The following ADAMTS14 variants were observed in gnomAD, a reference collection of about 807,000 sequenced individuals.
ADAMTS14 encodes the protein A disintegrin and metalloproteinase with thrombospondin motifs 14.
Under a neutral mutation model 128.6 loss-of-function variants are expected in ADAMTS14, and 100 were observed. The observed-to-expected ratio is 0.78, with a 90% CI of 0.66 to 0.92. The LOEUF (loss-of-function observed/expected upper bound fraction) is 0.92. ADAMTS14 is among the 40% of genes least tolerant of loss of function. ADAMTS14 has a pLI of 0.00. For synonymous variants in ADAMTS14, 665 were observed against 653.8 expected (o/e 1.02, Z -0.26); for missense variants, 1,562 against 1,658.6 (o/e 0.94, Z 1.01).
At position 70,741,022 on chromosome 10, in the gene ADAMTS14, T is replaced by C. The variant is rs749504648; in HGVS notation, c.1784T>C (p.Met595Thr). 1 of 1,614,008 alleles carries C rather than the reference T, an allele frequency of 6.2e-7. No individual in the cohort carries two copies. Among genetic ancestry groups the C allele is most frequent in the Non-Finnish European group, 8.5e-7 (1 of 1,180,030 alleles). Residue 595 changes from methionine to threonine, a missense_variant, in exon 12 of 22, where the codon ATG becomes ACG. By Grantham distance (81) the Met-to-Thr change is moderately conservative. Transcript: ENST00000373207. ...GGAGGCCGCCTGTGCTTAGGGCCCA[T>C]GTTCGAGTACCAGGTCTGCAACAGC... ...AYGGRLCLGP[M>T]FEYQVCNSEE...
At chr10:70,733,772 G>A (rs907227261) in intron 7 of ADAMTS14, 113 bp from the exon 8 acceptor site, 11 of 1,351,910 alleles carry the variant, frequency 8.1e-6, no homozygotes, top group Non-Finnish European at 9.0e-6. Context: ...CAGGAAGAGC[G>A]ATCTGAGCTC....
intron 3 of ADAMTS14, among the ~76,000 whole-genome samples, chr10:70,706,947 G>A (rs568404142): frequency 2.6e-5 from 4 of 152,280 alleles, no homozygotes; most frequent in East Asian, 1.9e-4. Flanking sequence ...GCACTCACTC[G>A]CTCCCATGTG....
intron 5 of ADAMTS14, 83 bp downstream of exon 5, chr10:70,729,460 C>A: frequency 8.8e-7 from 1 of 1,131,090 alleles, no homozygotes; most frequent in Non-Finnish European, 1.3e-6. Context: ...GTGTGGGCTG[C>A]AGGGGTAAGC....
intron 2 of ADAMTS14, among the ~76,000 whole-genome samples, chr10:70,700,561 G>T (rs890600024): frequency 6.6e-6 from 1 of 152,200 alleles, no homozygotes; most frequent in African/African-American, 2.4e-5. Flanking sequence ...GAGGAGCTGA[G>T]GGGAGTGGTG....
Position 70,745,279 on chromosome 10 carries a change from G to T in ADAMTS14, c.2236G>T (p.Ala746Ser). The change falls in exon 15 of 22, where the codon GCA becomes TCA. Residue 746 changes from alanine (A) to serine (S), a missense_variant. Transcript: ENST00000373207. The stretch of plus-strand genomic sequence containing the variant: ...AGGTGCCAGGCACATCCAGATTGAG[G>T]CACTGGAGAAGTCCCCCCACCGCAT... ...PAGARHIQIE[A>S]LEKSPHRIVV... The T allele has an allele frequency of 6.2e-7, 1 of 1,612,610 alleles. No individual in the cohort carries two copies. Among genetic ancestry groups the T allele is most frequent in the Middle Eastern group, 1.9e-4 (1 of 5,164 alleles).
chr10:70,730,920 T>G (rs1388026501), intron 6 of ADAMTS14, among the ~76,000 whole-genome samples: 1 of 152,182 alleles, frequency 6.6e-6, no homozygotes, highest in Non-Finnish European at 1.5e-5. Flanking sequence ...AGGAGGCAGA[T>G]GTGAGACTCA....
At chr10:70,681,698 T>A (rs1839810038) in intron 2 of ADAMTS14, among the ~76,000 whole-genome samples, 1 of 152,162 alleles carries the variant, frequency 6.6e-6, no homozygotes, top group African/African-American at 2.4e-5. Context: ...AAGCTGCGGG[T>A]CGGCTCCACA....
intron 2 of ADAMTS14, among the ~76,000 whole-genome samples, chr10:70,681,115 A>G (rs1839788244): frequency 6.6e-6 from 1 of 152,186 alleles, no homozygotes; most frequent in African/African-American, 2.4e-5. Context: ...CCAGAAGCCC[A>G]CGGTTTAAAG....
At chr10:70,702,623 C>A (rs940904800) in intron 3 of ADAMTS14, among the ~76,000 whole-genome samples, 155 bp downstream of exon 3, 1 of 152,176 alleles carries the variant, frequency 6.6e-6, no homozygotes, top group Non-Finnish European at 1.5e-5. Flanking sequence ...GGCAGAGAAA[C>A]CCCATTGCGT....
chr10:70,735,381 G>C, intron 9 of ADAMTS14, 80 bp downstream of exon 9: 2 of 1,541,384 alleles, frequency 1.3e-6, no homozygotes, highest in South Asian at 1.3e-5. Flanking sequence ...CCATTCATGA[G>C]GTGCCTTCTG....
At chr10:70,692,113 T>C (rs1840209325) in intron 2 of ADAMTS14, among the ~76,000 whole-genome samples, 1 of 152,062 alleles carries the variant, frequency 6.6e-6, no homozygotes, top group African/African-American at 2.4e-5. Flanking sequence ...GGTTTTGATT[T>C]CATCGGTCTG....
chr10:70,731,997 G>A (rs1047845834), intron 6 of ADAMTS14, among the ~76,000 whole-genome samples: 3 of 152,162 alleles, frequency 2.0e-5, no homozygotes, highest in Admixed American at 1.3e-4. Context: ...AGGCCCGGGT[G>A]TTCTCTGGTT....
rs1414429902 is a variant in ADAMTS14 at position 70,758,016 on chromosome 10, A to G, written c.2992A>G (p.Asn998Asp). 7 of 1,613,460 alleles carry G rather than the reference A, an allele frequency of 4.3e-6. No individual in the cohort carries two copies. The South Asian group carries it at 4.4e-5, about 10-fold the overall frequency. The part of the protein sequence containing the change: ...IQQRQVVCRT[N>D]ANSLGHCEGD... ...GCAGCGGCAGGTGGTGTGCAGGACC[A>G]ACGCCAACAGCCTCGGGCATTGCGA... Residue 998 changes from asparagine to aspartate, a missense_variant, in exon 20 of 22, where the codon AAC (asparagine) becomes GAC (aspartate). Transcript: ENST00000373207.
At chr10:70,702,256 T>C in intron 2 of ADAMTS14, 56 bp from the exon 3 acceptor site, 1 of 1,611,404 alleles carries the variant, frequency 6.2e-7, no homozygotes, top group Non-Finnish European at 8.5e-7. Flanking sequence ...TCGGCTGTAC[T>C]GTGTGTTCAT....
rs551049415 is a variant in ADAMTS14 at position 70,749,996 on chromosome 10, C to T, written c.2427+11C>T. The T allele has an allele frequency of 2.2e-5, 35 of 1,613,418 alleles. No individual in the cohort carries two copies. In the South Asian group the frequency reaches 3.5e-4, roughly 16 times the overall value. On this transcript the variant is annotated intron_variant, in intron 16 of 21. Coordinates refer to ENST00000373207, the MANE Select transcript of ADAMTS14 (RefSeq NM_080722.4). ...GCCATTGCCATCCTGGTGAGCCCCA[C>T]TCTGTGCGGTGGCAACCCCTGCCCA...
chr10:70,750,276 G>A (rs1175544761), intron 16 of ADAMTS14, among the ~76,000 whole-genome samples: 1 of 152,202 alleles, frequency 6.6e-6, no homozygotes, highest in African/African-American at 2.4e-5. Context: ...GAGGGAGGTT[G>A]GGCAGGGCTG....
rs1180809194 is a variant in ADAMTS14 at position 70,749,923 on chromosome 10, G to C, written c.2365G>C (p.Val789Leu). ...CATGGGCCTGGAGTGGGAGGATGCG[G>C]TGGAGGATGCCAAGGAAAGCCTCAA... ...TAMGLEWEDA[V>L]EDAKESLKTS... The change falls in exon 16 of 22, where the codon GTG (valine) becomes CTG (leucine). Residue 789 changes from valine to leucine, a missense_variant. Transcript: ENST00000373207. 1 of 1,614,204 alleles carries C rather than the reference G, an allele frequency of 6.2e-7. No homozygotes were observed. Among genetic ancestry groups the C allele is most frequent in the South Asian group, 1.1e-5 (1 of 91,080 alleles).
chr10:70,761,004 A>C lies in ADAMTS14; in HGVS notation c.*151A>C. On this transcript the variant is annotated 3_prime_UTR_variant, in exon 22 of 22. Transcript: ENST00000373207. ...CTCGTTTGGGGCTGTGATGCTCTTT[A>C]CCCCACAAAGCGGGGTGGGAGGAAG... is the stretch of plus-strand genomic sequence containing the variant. 1 of 1,171,860 alleles carries C rather than the reference A, an allele frequency of 8.5e-7. No individual in the cohort carries two copies. Among genetic ancestry groups the C allele is most frequent in the South Asian group, 2.0e-5 (1 of 50,248 alleles). The allele number at this position is 1,171,860 out of a possible 1,614,324, so 72.6% of individuals were successfully genotyped here.
chr10:70,675,406 C>T (rs748380038), intron 2 of ADAMTS14, among the ~76,000 whole-genome samples: 12 of 152,202 alleles, frequency 7.9e-5, no homozygotes, highest in African/African-American at 1.7e-4. Flanking sequence ...CTGAGACAGA[C>T]GTGGCTTCTG....
Sources: gnomAD v4.1 joint callset for allele counts (sites outside exome capture counted in the v4.1 genomes callset) on GRCh38, gnomAD v4.1.1 for gene constraint, MANE v1.5 for transcripts, NCBI Gene and HGNC (gene_info 2026-07-23, HGNC 2026-07-21) for gene names.